ALX3: variants seen among roughly 807,000 people sequenced by gnomAD.
The protein encoded by ALX3 is ALX homeobox 3.
ALX3 carries 17 observed loss-of-function variants against 26.3 expected under a neutral mutation model. The ratio of observed to expected loss-of-function variants is 0.65; its 90% CI spans 0.44 to 0.97. The LOEUF (loss-of-function observed/expected upper bound fraction) is 0.97, where lower values mean the gene tolerates loss of function less well. ALX3 is among the 50% of genes least tolerant of loss of function. The pLI is 0.00. For synonymous variants in ALX3, 208 were observed against 201.4 expected, an observed-to-expected ratio of 1.03 and a Z score of -0.28; for missense variants, 461 against 466.5, an observed-to-expected ratio of 0.99 and a Z score of 0.11.
At chr1:110,069,830 A>T (rs900329691) in intron 1 of ALX3, among the ~76,000 whole-genome samples, 16 of 152,284 alleles carry the variant, frequency 1.1e-4, no homozygotes, top group African/African-American at 3.8e-4. Flanking sequence ...AGACGGGCCA[A>T]GACCAGGCCG....
chr1:110,069,823 C>T (rs1653876117), intron 1 of ALX3, among the ~76,000 whole-genome samples: 1 of 152,122 alleles, frequency 6.6e-6, no homozygotes, highest in Non-Finnish European at 1.5e-5. Context: ...GGAGGAGAGA[C>T]GGGCCAAGAC....
intron 1 of ALX3, 136 bp downstream of exon 1, chr1:110,070,200 C>G: frequency 9.8e-7 from 1 of 1,017,442 alleles, no homozygotes. Context: ...CCGTGGAAGC[C>G]GTGGCGAAAG....
chr1:110,062,942 TG>T (rs1653690793), intron 2 of ALX3, among the ~76,000 whole-genome samples: 1 of 152,190 alleles, frequency 6.6e-6, no homozygotes, highest in Admixed American at 6.5e-5. Context: ...CATTCTCCCT[TG>T]GGGATCCCGC....
At position 110,070,593 on chromosome 1, in the gene ALX3, G is replaced by A. The variant is rs1309475385; in HGVS notation, c.20C>T (p.Ala7Val). 6 of 1,288,778 alleles carry A rather than the reference G, an allele frequency of 4.7e-6. No individual in the cohort carries two copies. The South Asian group carries it at 6.9e-5, about 15-fold the overall frequency. The allele number at this position is 1,288,778 out of a possible 1,614,324, so 79.8% of individuals were successfully genotyped here. The stretch of plus-strand genomic sequence containing the variant: ...GGGTGCAGGCCCCACGCGGAAAGGC[G>A]CGCAGTGCTCGGGGTCCATGCCGGC... MDPEHC[A>V]PFRVGPAPGP... is the part of the protein sequence containing the mutation. Residue 7 changes from alanine to valine, a missense_variant, in exon 1 of 4, where the codon GCG becomes GTG. Physicochemically the swap from Ala to Val is moderately conservative, Grantham distance 64. Transcript: ENST00000647563.
At chr1:110,070,005 C>T (rs990809797) in intron 1 of ALX3, among the ~76,000 whole-genome samples, 33 of 152,188 alleles carry the variant, frequency 2.2e-4, no homozygotes, top group African/African-American at 8.0e-4. Context: ...TCCAGTCCAA[C>T]TTCGGCAGAG....
At chr1:110,064,004 G>C (rs1413098724) in intron 2 of ALX3, among the ~76,000 whole-genome samples, 1 of 151,956 alleles carries the variant, frequency 6.6e-6, no homozygotes, top group Non-Finnish European at 1.5e-5. Flanking sequence ...ATGGGGAAGG[G>C]CTCCCAGCCA....
At chr1:110,069,868 A>C (rs1024705464) in intron 1 of ALX3, among the ~76,000 whole-genome samples, 3 of 151,346 alleles carry the variant, frequency 2.0e-5, no homozygotes, top group Admixed American at 6.6e-5. Flanking sequence ...CGATTTGACC[A>C]CTCTAGGTTG....
intron 1 of ALX3, among the ~76,000 whole-genome samples, chr1:110,067,349 G>A (rs1653815042): frequency 6.6e-6 from 1 of 152,236 alleles, no homozygotes; most frequent in Non-Finnish European, 1.5e-5. Context: ...AGGTGGTTAA[G>A]GCGGGGTACT....
intron 1 of ALX3, among the ~76,000 whole-genome samples, chr1:110,065,536 C>T (rs1653760678): frequency 6.6e-6 from 1 of 152,194 alleles, no homozygotes; most frequent in Admixed American, 6.5e-5. Flanking sequence ...GATTGCTTCT[C>T]TCCATTCCTC....
intron 1 of ALX3, among the ~76,000 whole-genome samples, chr1:110,067,899 T>C (rs1180598792): frequency 6.6e-6 from 1 of 151,378 alleles, no homozygotes; most frequent in Non-Finnish European, 1.5e-5. Flanking sequence ...CTTGGGACTC[T>C]CCTCGACTTT....
chr1:110,061,669 G>A, intron 2 of ALX3, 106 bp from the exon 3 acceptor site: 1 of 1,499,538 alleles, frequency 6.7e-7, no homozygotes, highest in Non-Finnish European at 9.1e-7. Context: ...TGGGGAGCAG[G>A]CTCCAGGATG....
rs770308306 is a variant in ALX3, at chr1:110,060,811, A to G, written c.954T>C (p.Gly318=). Residue 318 remains glycine, a synonymous_variant, in exon 4 of 4, where the codon GGT becomes GGC. Transcript: ENST00000647563. ...AGACGAGGCTTGGAGACTTATAGTC[A>G]CCATCTGAGGAAGGCTCAAAGCTGT... ...GGHSFEPSSD[G]DYKSPSLVSL... 2.5e-6 allele frequency: 4 copies of G among 1,614,004 alleles called. No homozygotes were observed. The South Asian group carries it at 4.4e-5, about 18-fold the overall frequency.
In ALX3 at chr1:110,061,454, C is replaced by T. The variant is rs199753639; in HGVS notation, c.704G>A (p.Arg235His). 74 of 1,614,190 alleles carry T rather than the reference C, an allele frequency of 4.6e-5. No individual in the cohort carries two copies. In the South Asian group the frequency reaches 4.7e-4, roughly 10 times the overall value. The change falls in exon 3 of 4, where the codon CGT becomes CAT. Residue 235 changes from arginine (R) to histidine (H), a missense_variant. Physicochemically the swap from Arg to His is conservative, Grantham distance 29. Transcript: ENST00000647563. ...TAAYDISVLP[R>H]TDSHPQLQNS... ...TCTTACCTGAGGGTGGCTGTCAGTACGGGGCAGCACAGAGATGTCATAGGC... is the reference window on the plus strand; with the variant it reads ...TCTTACCTGAGGGTGGCTGTCAGTATGGGGCAGCACAGAGATGTCATAGGC...
chr1:110,061,221 T>C (rs1483801788), intron 3 of ALX3, 180 bp from the exon 4 acceptor site: 1 of 1,038,608 alleles, frequency 9.6e-7, no homozygotes, highest in Non-Finnish European at 1.4e-6. Flanking sequence ...CCCCTGCCAC[T>C]GTTCTCAAAA....
chr1:110,061,350 C>T (rs1207893466), intron 3 of ALX3, 85 bp downstream of exon 3: 76 of 1,599,706 alleles, frequency 4.8e-5, no homozygotes, highest in Middle Eastern at 1.6e-4. Flanking sequence ...AGAACGCTGA[C>T]GCTCTCCAGG....
At chr1:110,064,523 G>A in intron 2 of ALX3, 64 bp downstream of exon 2, 1 of 1,587,640 alleles carries the variant, frequency 6.3e-7, no homozygotes, top group South Asian at 1.1e-5. Flanking sequence ...AGCCCTTCCA[G>A]ATCACTTTCT....
In ALX3 at chr1:110,064,850, G is replaced by T; in HGVS notation, c.331C>A (p.Arg111=). 6.2e-7 allele frequency: 1 copy of T among 1,613,138 alleles called. No individual in the cohort carries two copies. The highest frequency in any genetic ancestry group is 8.5e-7 in the Non-Finnish European group (1 of 1,179,720). ...ASFPQLPLDC[R]GGPRDGPSNL... The stretch of plus-strand genomic sequence containing the variant: ...GAGGGCCCGTCTCTGGGGCCCCCTC[G>T]GCAGTCCAAGGGCAGCTGGGGGAAG... Residue 111 remains arginine (R), a synonymous_variant, in exon 2 of 4, where the codon CGA becomes AGA. Coordinates refer to ENST00000647563, the MANE Select transcript of ALX3 (RefSeq NM_006492.3).
At position 110,070,593 on chromosome 1, in the gene ALX3, G is replaced by T. The variant is rs1309475385; in HGVS notation, c.20C>A (p.Ala7Glu). ...GGGTGCAGGCCCCACGCGGAAAGGC[G>T]CGCAGTGCTCGGGGTCCATGCCGGC... The part of the protein sequence containing the change: MDPEHC[A>E]PFRVGPAPGP... The change falls in exon 1 of 4, where the codon GCG becomes GAG. Residue 7 changes from alanine (A) to glutamate (E), a missense_variant. Coordinates refer to ENST00000647563, the MANE Select transcript of ALX3 (RefSeq NM_006492.3). The T allele has an allele frequency of 1.3e-5, 17 of 1,288,778 alleles. No individual in the cohort carries two copies. Among genetic ancestry groups the T allele is most frequent in the Non-Finnish European group, 1.6e-5 (16 of 1,016,482 alleles). 79.8% of individuals were successfully genotyped at this position (1,288,778 alleles called of 1,614,324 possible). A position where few individuals can be genotyped will look rare whatever the true frequency, so the allele number is the denominator to read the frequency against.
In ALX3 at chr1:110,068,143, G is replaced by C. The variant is rs546718773; in HGVS notation, c.277+2193C>G. 3.9e-5 allele frequency among the ~76,000 whole-genome samples: 6 copies of C among 152,356 alleles called. No homozygotes were observed. In the South Asian group the frequency reaches 1.0e-3, roughly 26 times the overall value. On this transcript the variant is annotated intron_variant, in intron 1 of 3. Coordinates refer to ENST00000647563, the MANE Select transcript of ALX3 (RefSeq NM_006492.3). The stretch of plus-strand genomic sequence containing the variant: ...CTGCGCGGGCGGCGGACTGCAGGCG[G>C]GAGAAGAGCGAGGTGCGCCAGGCTC...
Sources: allele counts gnomAD v4.1 joint callset (sites outside exome capture counted in the v4.1 genomes callset), GRCh38; gene constraint gnomAD v4.1.1; transcripts MANE v1.5; gene names NCBI Gene and HGNC (gene_info 2026-07-23, HGNC 2026-07-21).